The following MARCHF1 variants were observed in gnomAD, a reference collection of about 807,000 sequenced individuals.
MARCHF1 encodes the protein membrane associated ring-CH-type finger 1.
A neutral mutation model predicts 54.2 loss-of-function variants in MARCHF1; 40 were observed. The ratio of observed to expected loss-of-function variants is 0.74; its 90% CI spans 0.57 to 0.96. The LOEUF (loss-of-function observed/expected upper bound fraction) is 0.96. Ranked by LOEUF, MARCHF1 falls within the 40% of genes least tolerant of loss-of-function variation. The pLI, the probability that MARCHF1 is intolerant of heterozygous loss-of-function variation, is 0.00. For missense variants in MARCHF1, 586 were observed against 656.5 expected (o/e 0.89, Z 1.17); for synonymous variants, 236 against 236.3 (o/e 1.00, Z 0.01).
intron 1 of MARCHF1, among the ~76,000 whole-genome samples, chr4:164,142,639 C>G (rs1162424315): frequency 6.6e-6 from 1 of 152,152 alleles, no homozygotes; most frequent in African/African-American, 2.4e-5. Context: ...AACTAACAAA[C>G]AGAAAGGACA....
intron 4 of MARCHF1, among the ~76,000 whole-genome samples, chr4:163,812,333 A>G (rs1263847777): frequency 6.6e-6 from 1 of 151,752 alleles, no homozygotes; most frequent in Non-Finnish European, 1.5e-5. Flanking sequence ...ATACACATAC[A>G]TGTATACATA....
At chr4:163,635,642 C>T in intron 5 of MARCHF1, among the ~76,000 whole-genome samples, 1 of 150,038 alleles carries the variant, frequency 6.7e-6, no homozygotes, top group African/African-American at 2.5e-5. Flanking sequence ...CAGATGGATT[C>T]ACAGCCGAAT....
chr4:164,261,369 T>C (rs1339728999), intron 1 of MARCHF1, among the ~76,000 whole-genome samples: 5 of 152,296 alleles, frequency 3.3e-5, no homozygotes, highest in Non-Finnish European at 7.4e-5. Context: ...ACACATTGTG[T>C]CAGTTGTCCA....
intron 3 of MARCHF1, chr4:163,932,944 A>G (rs1238665101): frequency 6.0e-6 from 4 of 669,120 alleles, no homozygotes; most frequent in South Asian, 1.4e-5. Context: ...CAAATGATAG[A>G]TAATTCCCAA....
intron 2 of MARCHF1, among the ~76,000 whole-genome samples, chr4:163,998,139 T>C (rs1753115470): frequency 6.6e-6 from 1 of 151,308 alleles, no homozygotes; most frequent in Non-Finnish European, 1.5e-5. Context: ...AAATAAGCTA[T>C]TGAATATTTA....
intron 3 of MARCHF1, chr4:163,933,069 C>T: frequency 1.4e-6 from 2 of 1,474,788 alleles, no homozygotes; most frequent in Admixed American, 1.9e-5. Flanking sequence ...TCTTAATAAC[C>T]CAGAGCTTGC....
chr4:164,186,796 T>C (rs1162825152), intron 1 of MARCHF1, among the ~76,000 whole-genome samples: 2 of 152,230 alleles, frequency 1.3e-5, no homozygotes, highest in East Asian at 1.9e-4. Context: ...TTCTTTGTAA[T>C]ATAATGGTTA....
chr4:164,374,333 T>C (rs1731123407), intron 1 of MARCHF1, among the ~76,000 whole-genome samples: 1 of 152,172 alleles, frequency 6.6e-6, no homozygotes, highest in Non-Finnish European at 1.5e-5. Context: ...TTCAGTCTTA[T>C]TATTACTAAA....
Position 164,371,669 on chromosome 4 carries a change from C to A in MARCHF1, c.-323+12201G>T, listed in dbSNP as rs57012185. The stretch of plus-strand genomic sequence containing the variant: ...AATAGCACCAATGAGGGAAAACAAT[C>A]AATAAGACATTTAAACATATGCATG... On this transcript the variant is annotated intron_variant, in intron 1 of 9. Transcript: ENST00000514618. Among the ~76,000 whole-genome samples the A allele has an allele frequency of 2.9e-3, 443 of 152,174 alleles. 1 individual carries two copies. The highest frequency in any genetic ancestry group is 9.9e-3 in the African/African-American group (413 of 41,544).
chr4:163,899,884 TTTTC>T (rs1211404264), intron 3 of MARCHF1, among the ~76,000 whole-genome samples: 10 of 134,062 alleles, frequency 7.5e-5, no homozygotes, highest in African/African-American at 2.6e-4. Flanking sequence ...CTTTTTCTTT[TTTTC>T]TTTTTTTAAA....
chr4:163,697,080 A>G (rs545031884), intron 5 of MARCHF1, among the ~76,000 whole-genome samples: 47 of 152,266 alleles, frequency 3.1e-4, no homozygotes, highest in Non-Finnish European at 6.0e-4. Flanking sequence ...GCAAGCTTCC[A>G]GAAATTCATC....
At chr4:163,739,338 A>G (rs1746131669) in intron 4 of MARCHF1, among the ~76,000 whole-genome samples, 1 of 152,222 alleles carries the variant, frequency 6.6e-6, no homozygotes, top group South Asian at 2.1e-4. Flanking sequence ...GGACATAACA[A>G]ACTAGTTCAA....
intron 1 of MARCHF1, among the ~76,000 whole-genome samples, chr4:164,220,295 T>C (rs1732056927): frequency 1.4e-5 from 2 of 147,996 alleles, no homozygotes; most frequent in African/African-American, 4.9e-5. Context: ...TTCATATATA[T>C]ATATGAATAT....
chr4:163,626,903 T>A (rs927230538), intron 5 of MARCHF1, among the ~76,000 whole-genome samples: 2 of 152,086 alleles, frequency 1.3e-5, no homozygotes, highest in Admixed American at 6.6e-5. Context: ...TTCATCTTGG[T>A]GACAGAATGT....
intron 2 of MARCHF1, among the ~76,000 whole-genome samples, chr4:164,091,255 A>G (rs1755292674): frequency 6.6e-6 from 1 of 151,968 alleles, no homozygotes; most frequent in South Asian, 2.1e-4. Context: ...TTTAATAATT[A>G]TGCATCAGCT....
intron 2 of MARCHF1, among the ~76,000 whole-genome samples, chr4:164,038,337 C>T (rs1754052795): frequency 6.6e-6 from 1 of 151,874 alleles, no homozygotes; most frequent in African/African-American, 2.4e-5. Context: ...ACTAAAAATA[C>T]AAAAAAATTA....
intron 3 of MARCHF1, chr4:163,932,761 A>T (rs2111401889): frequency 1.8e-6 from 1 of 568,994 alleles, no homozygotes; most frequent in Middle Eastern, 3.9e-4. Flanking sequence ...ATTAAGGACT[A>T]CCAGGAGAAA....
intron 1 of MARCHF1, among the ~76,000 whole-genome samples, chr4:164,149,884 T>C (rs1450135664): frequency 6.6e-6 from 1 of 152,238 alleles, no homozygotes; most frequent in Admixed American, 6.5e-5. Flanking sequence ...TCATTAATCA[T>C]GACATTTATT....
intron 5 of MARCHF1, among the ~76,000 whole-genome samples, chr4:163,635,863 G>A (rs182107053): frequency 0.066 from 10,030 of 151,976 alleles, 617 homozygotes; most frequent in East Asian, 0.27. Context: ...CTGGCAAAAC[G>A]AATCCAGCAG....
Sources: allele counts gnomAD v4.1 joint callset (sites outside exome capture counted in the v4.1 genomes callset), GRCh38; gene constraint gnomAD v4.1.1; transcripts MANE v1.5; gene names NCBI Gene and HGNC (gene_info 2026-07-23, HGNC 2026-07-21).